HS6ST3: variants seen among roughly 807,000 people sequenced by gnomAD.
The protein encoded by HS6ST3 is heparan sulfate 6-O-sulfotransferase 3.
In HS6ST3, 12 loss-of-function variants were observed where a neutral mutation model predicts 36.7. That is an observed-to-expected ratio of 0.33 (90% confidence interval 0.21 to 0.53). The LOEUF is 0.53. Ranked by LOEUF, HS6ST3 falls within the 20% of genes least tolerant of loss-of-function variation. HS6ST3 has a pLI of 0.95. For synonymous variants in HS6ST3, 240 were observed against 257.5 expected, an observed-to-expected ratio of 0.93 and a Z score of 0.65; for missense variants, 584 against 640.9, an observed-to-expected ratio of 0.91 and a Z score of 0.96.
At chr13:96,257,893 A>G (rs752936386) in intron 1 of HS6ST3, among the ~76,000 whole-genome samples, 3 of 152,242 alleles carry the variant, frequency 2.0e-5, no homozygotes, top group Non-Finnish European at 2.9e-5. Flanking sequence ...CTGATATTTC[A>G]TTGGGTATAA....
chr13:96,830,952 G>T (rs1374118651), intron 1 of HS6ST3, among the ~76,000 whole-genome samples: 1 of 152,194 alleles, frequency 6.6e-6, no homozygotes, highest in South Asian at 2.1e-4. Context: ...CAGCTTGCGG[G>T]CCTGCTCCGC....
At chr13:96,827,651 C>T (rs969524511) in intron 1 of HS6ST3, among the ~76,000 whole-genome samples, 3 of 152,078 alleles carry the variant, frequency 2.0e-5, no homozygotes, top group Non-Finnish European at 2.9e-5. Flanking sequence ...CAAGTTGTAC[C>T]CCCTTGGCTG....
intron 1 of HS6ST3, among the ~76,000 whole-genome samples, chr13:96,716,715 A>T (rs1290557026): frequency 2.0e-5 from 3 of 152,216 alleles, no homozygotes; most frequent in Non-Finnish European, 4.4e-5. Context: ...ATATCTATCT[A>T]TCTAAATATA....
chr13:96,451,119 A>C (rs1484016905), intron 1 of HS6ST3, among the ~76,000 whole-genome samples: 8 of 151,996 alleles, frequency 5.3e-5, no homozygotes, highest in Non-Finnish European at 1.0e-4. Context: ...ACACATTAAA[A>C]ATTTAATGTG....
intron 1 of HS6ST3, among the ~76,000 whole-genome samples, chr13:96,333,823 G>T (rs950516941): frequency 1.3e-5 from 2 of 152,150 alleles, no homozygotes; most frequent in African/African-American, 4.8e-5. Flanking sequence ...GGCTTCCAAA[G>T]CTTCCAGGCA....
chr13:96,144,356 A>G lies in HS6ST3; in HGVS notation c.707+52787A>G, dbSNP rs2054046189. Among the ~76,000 whole-genome samples, 3 of 152,292 alleles carry G rather than the reference A, an allele frequency of 2.0e-5. No individual in the cohort carries two copies. The South Asian group carries it at 6.2e-4, about 32-fold the overall frequency. ...GTCAGCTTCCAAACTTTTGATGCAT[A>G]AATGTAATAACTCATTACTAACATA... On this transcript the variant is annotated intron_variant, in intron 1 of 1. Coordinates refer to ENST00000376705, the MANE Select transcript of HS6ST3 (RefSeq NM_153456.4).
chr13:96,714,434 G>A (rs935503777), intron 1 of HS6ST3, among the ~76,000 whole-genome samples: 1 of 152,156 alleles, frequency 6.6e-6, no homozygotes, highest in Admixed American at 6.6e-5. Context: ...AAGGGAGAAT[G>A]AAGCAAAGCA....
At chr13:96,686,356 C>G (rs1257287382) in intron 1 of HS6ST3, among the ~76,000 whole-genome samples, 1 of 151,960 alleles carries the variant, frequency 6.6e-6, no homozygotes, top group African/African-American at 2.4e-5. Flanking sequence ...TAGTTTATTG[C>G]CTGTGTAAAC....
intron 1 of HS6ST3, among the ~76,000 whole-genome samples, chr13:96,527,331 A>C (rs968518795): frequency 6.6e-5 from 10 of 151,940 alleles, no homozygotes; most frequent in Admixed American, 3.9e-4. Context: ...AACAGTGTTT[A>C]AGGGATTTTT....
intron 1 of HS6ST3, among the ~76,000 whole-genome samples, chr13:96,830,406 C>T (rs983706835): frequency 2.0e-5 from 3 of 152,206 alleles, no homozygotes; most frequent in African/African-American, 7.2e-5. Flanking sequence ...CTGCTCCCTT[C>T]TTTGCTAACA....
At chr13:96,493,590 C>T (rs888504744) in intron 1 of HS6ST3, among the ~76,000 whole-genome samples, 19 of 152,128 alleles carry the variant, frequency 1.2e-4, no homozygotes, top group Non-Finnish European at 2.5e-4. Context: ...ATATTTCCCT[C>T]TTGACCTTAA....
At chr13:96,236,951 T>A (rs2054537353) in intron 1 of HS6ST3, among the ~76,000 whole-genome samples, 1 of 152,324 alleles carries the variant, frequency 6.6e-6, no homozygotes, top group African/African-American at 2.4e-5. Context: ...CACAGTTCCA[T>A]GTGGCTGGGG....
chr13:96,617,560 T>A (rs1386047776), intron 1 of HS6ST3, among the ~76,000 whole-genome samples: 2 of 152,208 alleles, frequency 1.3e-5, no homozygotes, highest in East Asian at 1.9e-4. Context: ...AAAGCTTTCA[T>A]GAAGGGTTAG....
intron 1 of HS6ST3, among the ~76,000 whole-genome samples, chr13:96,577,999 A>T (rs1321568449): frequency 6.6e-6 from 1 of 152,214 alleles, no homozygotes; most frequent in African/African-American, 2.4e-5. Flanking sequence ...TGAATAGAAG[A>T]TTTAAAATGC....
At chr13:96,218,998 C>G (rs559027691) in intron 1 of HS6ST3, among the ~76,000 whole-genome samples, 94 of 152,204 alleles carry the variant, frequency 6.2e-4, no homozygotes, top group Non-Finnish European at 1.2e-3. Flanking sequence ...CTAAGCCATC[C>G]CCTGACAGGG....
At chr13:96,299,980 G>A (rs951530304) in intron 1 of HS6ST3, among the ~76,000 whole-genome samples, 1 of 149,776 alleles carries the variant, frequency 6.7e-6, no homozygotes, top group African/African-American at 2.5e-5. Context: ...CATGGCGGAA[G>A]AGCAAAGGTG....
chr13:96,316,662 T>A (rs2054971650), intron 1 of HS6ST3, among the ~76,000 whole-genome samples: 1 of 152,216 alleles, frequency 6.6e-6, no homozygotes, highest in South Asian at 2.1e-4. Context: ...TTATTTCAAT[T>A]ATAATAATTT....
chr13:96,122,343 C>A (rs1006693747), intron 1 of HS6ST3, among the ~76,000 whole-genome samples: 31 of 152,032 alleles, frequency 2.0e-4, no homozygotes, highest in Admixed American at 4.6e-4. Context: ...AGACAACATA[C>A]AAAGACATGT....
At chr13:96,505,914 A>G (rs1286950353) in intron 1 of HS6ST3, among the ~76,000 whole-genome samples, 3 of 152,126 alleles carry the variant, frequency 2.0e-5, no homozygotes, top group African/African-American at 7.2e-5. Flanking sequence ...TGTAAAAGCA[A>G]TCTGTTGGTT....
Sources: allele counts gnomAD v4.1 joint callset (sites outside exome capture counted in the v4.1 genomes callset), GRCh38; gene constraint gnomAD v4.1.1; transcripts MANE v1.5; gene names NCBI Gene and HGNC (gene_info 2026-07-23, HGNC 2026-07-21).